PTPRD: variants seen among roughly 807,000 people sequenced by gnomAD.
The protein encoded by PTPRD is receptor-type tyrosine-protein phosphatase delta.
PTPRD carries 34 observed loss-of-function variants against 214.5 expected under a neutral mutation model. The observed-to-expected ratio is 0.16, with a 90% confidence interval of 0.12 to 0.21. The LOEUF is 0.21. PTPRD is among the 10% of genes least tolerant of loss of function. PTPRD has a pLI of 1.00. For synonymous variants in PTPRD, 1,128 were observed against 845.7 expected (o/e 1.33, Z -5.79); for missense variants, 2,545 against 2,398.7 (o/e 1.06, Z -1.27).
At chr9:10,539,194 TG>T (rs766057023) in intron 2 of PTPRD, among the ~76,000 whole-genome samples, 2 of 152,188 alleles carry the variant, frequency 1.3e-5, no homozygotes, top group Non-Finnish European at 2.9e-5. Context: ...ACTTTTTTGT[TG>T]TTGTTTTGAG....
At chr9:9,792,600 G>T (rs943068909) in intron 5 of PTPRD, among the ~76,000 whole-genome samples, 1 of 152,240 alleles carries the variant, frequency 6.6e-6, no homozygotes, top group East Asian at 1.9e-4. Context: ...TAAAATGTAA[G>T]ATATTACATA....
intron 9 of PTPRD, among the ~76,000 whole-genome samples, chr9:9,221,663 A>T (rs1377280166): frequency 1.3e-5 from 2 of 151,986 alleles, no homozygotes; most frequent in Non-Finnish European, 2.9e-5. Context: ...GACCTTATTT[A>T]AACTGAACTA....
intron 11 of PTPRD, among the ~76,000 whole-genome samples, chr9:8,925,427 C>G (rs1206639777): frequency 6.6e-6 from 1 of 151,858 alleles, no homozygotes; most frequent in Non-Finnish European, 1.5e-5. Flanking sequence ...AGTAAGTCAC[C>G]TACATAATTT....
At chr9:10,377,349 G>A (rs1043751626) in intron 2 of PTPRD, among the ~76,000 whole-genome samples, 4 of 151,716 alleles carry the variant, frequency 2.6e-5, no homozygotes, top group African/African-American at 9.7e-5. Flanking sequence ...ATGCAGTTTT[G>A]TTACATATGT....
At chr9:8,715,180 G>A (rs985520987) in intron 12 of PTPRD, among the ~76,000 whole-genome samples, 1 of 152,078 alleles carries the variant, frequency 6.6e-6, no homozygotes, top group African/African-American at 2.4e-5. Flanking sequence ...ATTAGAAGGT[G>A]TCATCAACTA....
intron 4 of PTPRD, among the ~76,000 whole-genome samples, chr9:9,995,284 G>A (rs1417560786): frequency 6.6e-6 from 1 of 151,994 alleles, no homozygotes; most frequent in Non-Finnish European, 1.5e-5. Flanking sequence ...AAGGTATTCT[G>A]TCTTCCCAAT....
At chr9:10,530,380 A>T (rs1053782168) in intron 2 of PTPRD, among the ~76,000 whole-genome samples, 1 of 152,196 alleles carries the variant, frequency 6.6e-6, no homozygotes, top group African/African-American at 2.4e-5. Context: ...AAATGCAAAA[A>T]GTTTAAACCC....
At chr9:9,375,081 A>G (rs2060433855) in intron 9 of PTPRD, among the ~76,000 whole-genome samples, 1 of 152,122 alleles carries the variant, frequency 6.6e-6, no homozygotes, top group Non-Finnish European at 1.5e-5. Flanking sequence ...CTGTGTGTGT[A>G]TGTGTATGTG....
chr9:10,163,420 ACTTATT>A (rs1354299277), intron 3 of PTPRD, among the ~76,000 whole-genome samples: 2 of 151,452 alleles, frequency 1.3e-5, no homozygotes, highest in Non-Finnish European at 3.0e-5. Flanking sequence ...TTGCATTAGA[ACTTATT>A]CTTATGTGAC....
intron 4 of PTPRD, among the ~76,000 whole-genome samples, chr9:10,018,105 A>C (rs2096761234): frequency 6.6e-6 from 1 of 152,016 alleles, no homozygotes; most frequent in Admixed American, 6.6e-5. Flanking sequence ...AGGTTATGAA[A>C]TCCCCTCTCA....
At chr9:10,429,998 T>C (rs1380739894) in intron 2 of PTPRD, among the ~76,000 whole-genome samples, 2 of 151,946 alleles carry the variant, frequency 1.3e-5, no homozygotes, top group African/African-American at 2.4e-5. Context: ...CAGCTCCCTG[T>C]GTTACCACTA....
chr9:9,063,449 G>A (rs1015673939), intron 10 of PTPRD, among the ~76,000 whole-genome samples: 1 of 152,072 alleles, frequency 6.6e-6, no homozygotes, highest in Admixed American at 6.6e-5. Context: ...AAGAGAAAAG[G>A]CTTCCCTTAT....
In PTPRD at chr9:9,955,521, G is replaced by GTTTT. The variant is rs1194987444; in HGVS notation, c.-471-16915_-471-16912dup. Among the ~76,000 whole-genome samples, 585 of 145,260 alleles carry GTTTT rather than the reference G, an allele frequency of 4.0e-3. 10 individuals are homozygous for GTTTT. The highest frequency in any genetic ancestry group is 0.014 in the African/African-American group (541 of 37,924). Reference sequence around the variant, plus strand: ...GTTTTCGTTTTTTTTGTTTTGTTTTGTTTTGTTTTTTTTTTTTTTTGAGAC... The same window carrying GTTTT: ...GTTTTCGTTTTTTTTGTTTTGTTTTGTTTTTTTTGTTTTTTTTTTTTTTTGAGAC... On this transcript the variant is annotated intron_variant, in intron 4 of 45. Transcript: ENST00000381196.
At chr9:10,502,870 A>T (rs1234372508) in intron 2 of PTPRD, among the ~76,000 whole-genome samples, 3 of 152,090 alleles carry the variant, frequency 2.0e-5, no homozygotes, top group African/African-American at 7.2e-5. Context: ...TTATATGGTT[A>T]ATTCCTTCTC....
intron 9 of PTPRD, among the ~76,000 whole-genome samples, chr9:9,328,370 T>C (rs1242371096): frequency 1.3e-5 from 2 of 152,020 alleles, no homozygotes; most frequent in East Asian, 1.9e-4. Flanking sequence ...GTTATTGTTG[T>C]TTCATATCAG....
At chr9:8,415,909 T>G (rs952183254) in intron 35 of PTPRD, among the ~76,000 whole-genome samples, 2 of 152,086 alleles carry the variant, frequency 1.3e-5, no homozygotes, top group Admixed American at 6.6e-5. Context: ...AAGCAAGTTG[T>G]AAAGTGACCA....
chr9:9,349,284 G>T (rs1027522132), intron 9 of PTPRD, among the ~76,000 whole-genome samples: 1 of 151,946 alleles, frequency 6.6e-6, no homozygotes, highest in African/African-American at 2.4e-5. Context: ...ACATGCCAAG[G>T]GCTAGCTTAT....
At chr9:9,479,228 C>CCCCCA (rs1436842502) in intron 8 of PTPRD, among the ~76,000 whole-genome samples, 5 of 110,454 alleles carry the variant, frequency 4.5e-5, no homozygotes, top group African/African-American at 1.5e-4. Context: ...CCCCCCCCCC[C>CCCCCA]CACACACACA....
chr9:9,119,947 A>T (rs2099816048), intron 10 of PTPRD, among the ~76,000 whole-genome samples: 1 of 152,112 alleles, frequency 6.6e-6, no homozygotes, highest in Non-Finnish European at 1.5e-5. Flanking sequence ...TATATACATT[A>T]AAAAAATTCT....
Sources: allele counts gnomAD v4.1 joint callset (sites outside exome capture counted in the v4.1 genomes callset), GRCh38; gene constraint gnomAD v4.1.1; transcripts MANE v1.5; gene names NCBI Gene and HGNC (gene_info 2026-07-23, HGNC 2026-07-21).